FHAD1: variants seen among roughly 807,000 people sequenced by gnomAD.
FHAD1 encodes the protein forkhead associated phosphopeptide binding domain 1.
Under a neutral mutation model 191.3 loss-of-function variants are expected in FHAD1, and 146 were observed. That is an observed-to-expected ratio of 0.76 (90% CI 0.67 to 0.88). The LOEUF (loss-of-function observed/expected upper bound fraction) is 0.88, where lower values mean the gene tolerates loss of function less well. FHAD1 is among the 40% of genes least tolerant of loss of function. The pLI, the probability that FHAD1 is intolerant of heterozygous loss-of-function variation, is 0.00. For missense variants in FHAD1, 1,635 were observed against 1,785.8 expected (o/e 0.92, Z 1.52); for synonymous variants, 616 against 672.3 (o/e 0.92, Z 1.29).
chr1:15,288,088 G>A (rs1663144453), intron 3 of FHAD1, among the ~76,000 whole-genome samples: 1 of 152,158 alleles, frequency 6.6e-6, no homozygotes, highest in Non-Finnish European at 1.5e-5. Context: ...GAGAGAGAGA[G>A]AGAAGAAGGA....
At chr1:15,300,516 T>C (rs1668403232) in intron 5 of FHAD1, among the ~76,000 whole-genome samples, 3 of 152,196 alleles carry the variant, frequency 2.0e-5, no homozygotes, top group African/African-American at 7.2e-5. Flanking sequence ...ATAGAGTCAT[T>C]TCCTTAATTA....
chr1:15,384,103 G>A (rs978760405), intron 31 of FHAD1: 2 of 178,122 alleles, frequency 1.1e-5, no homozygotes, highest in African/African-American at 4.8e-5. Context: ...CTCAGAGAGA[G>A]CCAAACCCCC....
At chr1:15,376,230 C>T (rs1183744373) in intron 28 of FHAD1, among the ~76,000 whole-genome samples, 2 of 151,976 alleles carry the variant, frequency 1.3e-5, no homozygotes, top group African/African-American at 4.8e-5. Flanking sequence ...GCTGGGACTA[C>T]AGGCACCCGC....
Position 15,323,295 on chromosome 1 carries a change from G to A in FHAD1, c.1366-1157G>A, listed in dbSNP as rs1481245480. 4.6e-5 allele frequency among the ~76,000 whole-genome samples: 7 copies of A among 152,174 alleles called. No individual in the cohort carries two copies. In the East Asian group the frequency reaches 5.8e-4, roughly 13 times the overall value. ...GACTGCCAGAGCTGGGGCTGGGGGC[G>A]GGGAGGCCAGTCATTGAGAGGAGGA... On this transcript the variant is annotated intron_variant, in intron 10 of 33. Transcript: ENST00000688493.
At chr1:15,290,693 ACT>A (rs1491309088) in intron 4 of FHAD1, among the ~76,000 whole-genome samples, 9 of 143,948 alleles carry the variant, frequency 6.3e-5, no homozygotes, top group South Asian at 4.8e-4. Context: ...TTTAATATGA[ACT>A]TTTTTTTTTT....
chr1:15,370,529 T>A (rs908144764), intron 26 of FHAD1, among the ~76,000 whole-genome samples: 1 of 152,202 alleles, frequency 6.6e-6, no homozygotes, highest in Admixed American at 6.5e-5. Context: ...TTGTTCTTCC[T>A]GAATTGTGCT....
intron 3 of FHAD1, among the ~76,000 whole-genome samples, chr1:15,282,878 A>G (rs1001951880): frequency 2.6e-5 from 4 of 152,220 alleles, no homozygotes; most frequent in African/African-American, 9.6e-5. Flanking sequence ...GCAAGCCCCA[A>G]AATTGGGACT....
chr1:15,303,282 T>A (rs1191856070), intron 6 of FHAD1, among the ~76,000 whole-genome samples: 1 of 152,204 alleles, frequency 6.6e-6, no homozygotes, highest in Admixed American at 6.5e-5. Context: ...CTATAGGAAA[T>A]ACTGCTGCAG....
intron 3 of FHAD1, chr1:15,287,300 TC>T (rs1051202714): frequency 1.3e-5 from 2 of 152,230 alleles, no homozygotes; most frequent in African/African-American, 4.8e-5. Flanking sequence ...TGGCCAGGTG[TC>T]CCCAGATGTA....
chr1:15,239,511 C>T (rs2100501049), intron 1 of FHAD1, among the ~76,000 whole-genome samples: 1 of 152,272 alleles, frequency 6.6e-6, no homozygotes, highest in East Asian at 1.9e-4. Flanking sequence ...TCGCTTGAAC[C>T]TGGGAGGCGG....
At chr1:15,305,477 TC>T (rs1273863575) in intron 6 of FHAD1, among the ~76,000 whole-genome samples, 1 of 152,148 alleles carries the variant, frequency 6.6e-6, no homozygotes, top group Admixed American at 6.5e-5. Flanking sequence ...CACCGACTGA[TC>T]CGTGCAATCC....
rs928669556 is a variant in FHAD1 at position 15,329,852 on chromosome 1, G to A, written c.1906+311G>A. On this transcript the variant is annotated intron_variant, in intron 14 of 33. Transcript: ENST00000688493. The surrounding 1 kb of genome is among the most constrained non-coding windows in gnomAD (Gnocchi z 5.0). ...GGCATTTTCCCATGGAAATAACCGC[G>A]TGATTCCAGGCAAGTGACTTACCCT... The A allele has an allele frequency of 6.0e-6, 2 of 334,352 alleles. No individual in the cohort carries two copies. The highest frequency in any genetic ancestry group is 1.1e-5 in the Non-Finnish European group (2 of 176,046). The allele number at this position is 334,352 out of a possible 1,614,324, so 20.7% of individuals were successfully genotyped here. A position where few individuals can be genotyped will look rare whatever the true frequency, so the allele number is the denominator to read the frequency against.
intron 2 of FHAD1, among the ~76,000 whole-genome samples, chr1:15,257,334 A>C (rs1648689090): frequency 1.3e-5 from 2 of 152,230 alleles, no homozygotes; most frequent in African/African-American, 4.8e-5. Context: ...GAAACATGGT[A>C]TCCGTGACAT....
intron 31 of FHAD1, among the ~76,000 whole-genome samples, chr1:15,382,452 T>C (rs1477127751): frequency 1.3e-5 from 2 of 152,184 alleles, no homozygotes; most frequent in African/African-American, 4.8e-5. Context: ...TGGTGGTTGT[T>C]ATTCATATTT....
intron 15 of FHAD1, among the ~76,000 whole-genome samples, chr1:15,340,084 C>T (rs1685913213): frequency 6.6e-6 from 1 of 152,096 alleles, no homozygotes; most frequent in Non-Finnish European, 1.5e-5. Context: ...CCTCAGCTTC[C>T]CAAAGTGCTG....
At chr1:15,281,261 C>A (rs569798324) in intron 3 of FHAD1, among the ~76,000 whole-genome samples, 1 of 152,088 alleles carries the variant, frequency 6.6e-6, no homozygotes, top group Non-Finnish European at 1.5e-5. Context: ...TGCCTCCTTT[C>A]CCCCTTCTTT....
rs1700869322 is a variant in FHAD1 at position 15,381,417 on chromosome 1, T to C, written c.3988T>C (p.Leu1330=). The C allele has an allele frequency of 1.3e-6, 2 of 1,551,346 alleles. No individual in the cohort carries two copies. Among genetic ancestry groups the C allele is most frequent in the African/African-American group, 2.7e-5 (2 of 72,956 alleles). ...CCAGCTGGGGAGGAAAGAGGAGCTG[T>C]TGAGAGGATATGAAAAGGACGTTGA... is the stretch of plus-strand genomic sequence containing the variant. ...KNQLGRKEEL[L]RGYEKDVEQL... The change falls in exon 30 of 34, where the codon TTG becomes CTG. Residue 1330 remains leucine (L), a synonymous_variant. Transcript: ENST00000688493. This position sits in a 1 kb window ranked among gnomAD's most constrained non-coding sequence, Gnocchi z 4.6.
intron 10 of FHAD1, among the ~76,000 whole-genome samples, chr1:15,321,438 C>T (rs964723582): frequency 6.6e-6 from 1 of 152,124 alleles, no homozygotes; most frequent in African/African-American, 2.4e-5. Context: ...ATTCAATATT[C>T]ATTAATAATT....
chr1:15,244,963 AGGCTGCTTCCACTCCT>A (rs1329418794), upstream of FHAD1, among the ~76,000 whole-genome samples: 2 of 152,224 alleles, frequency 1.3e-5, no homozygotes, highest in Non-Finnish European at 2.9e-5. This position sits in a 1 kb window ranked among gnomAD's most constrained non-coding sequence, Gnocchi z 5.1. Context: ...TGAGGGTCTC[AGGCTGCTTCCACTCCT>A]GGCAGAAAGT....
Sources: allele counts gnomAD v4.1 joint callset (sites outside exome capture counted in the v4.1 genomes callset), GRCh38; gene constraint gnomAD v4.1.1; non-coding constraint Gnocchi (gnomAD v3.1); transcripts MANE v1.5; gene names NCBI Gene and HGNC (gene_info 2026-07-23, HGNC 2026-07-21).